Variants in PMEPA1 observed in about 807,000 individuals in gnomAD.
The protein encoded by PMEPA1 is prostate transmembrane protein, androgen induced 1.
A neutral mutation model predicts 23.0 loss-of-function variants in PMEPA1; 11 were observed. That is an observed-to-expected ratio of 0.48 (90% confidence interval 0.30 to 0.79). The LOEUF (loss-of-function observed/expected upper bound fraction) is 0.79. Among genes scored for constraint, PMEPA1 ranks in the 30% least tolerant of loss-of-function variants. The probability of loss-of-function intolerance (pLI) is 0.06; values close to 1 mark genes in which losing one functional copy is unlikely to be tolerated. For missense variants in PMEPA1, 377 were observed against 390.9 expected (o/e 0.96, Z 0.30); for synonymous variants, 204 against 166.4 (o/e 1.23, Z -1.74).
Position 57,709,703 on chromosome 20 carries a change from C to G in PMEPA1, c.-121G>C. The G allele has an allele frequency of 1.0e-6, 1 of 977,600 alleles. No homozygotes were observed. Among genetic ancestry groups the G allele is most frequent in the Non-Finnish European group, 1.2e-6 (1 of 826,772 alleles). The allele number at this position is 977,600 out of a possible 1,614,324, so 60.6% of individuals were successfully genotyped here. A position where few individuals can be genotyped will look rare whatever the true frequency, so the allele number is the denominator to read the frequency against. The stretch of plus-strand genomic sequence containing the variant: ...GGCGCGCGGCGGGGGAGGCGCGCCC[C>G]GGCTCGCCGGGCTCGGGTCGCCGCC... On this transcript the variant is annotated 5_prime_UTR_variant, in exon 1 of 4. Transcript: ENST00000341744.
At chr20:57,697,864 G>T (rs2071960905) in intron 1 of PMEPA1, among the ~76,000 whole-genome samples, 1 of 152,200 alleles carries the variant, frequency 6.6e-6, no homozygotes, top group Non-Finnish European at 1.5e-5. Flanking sequence ...AAAATAAGTG[G>T]CACCATGTGT....
intron 1 of PMEPA1, among the ~76,000 whole-genome samples, chr20:57,708,282 C>A (rs544501724): frequency 2.3e-4 from 35 of 152,320 alleles, no homozygotes; most frequent in Non-Finnish European, 3.2e-4. Flanking sequence ...CTTCACCTGG[C>A]GTGCTTCTTC....
rs1209526232 is a variant in PMEPA1 at position 57,655,551 on chromosome 20, G to C, written c.265-2465C>G. Among the ~76,000 whole-genome samples, 1 of 152,248 alleles carries C rather than the reference G, an allele frequency of 6.6e-6. No individual in the cohort carries two copies. The highest frequency in any genetic ancestry group is 1.5e-5 in the Non-Finnish European group (1 of 68,046). On this transcript the variant is annotated intron_variant, in intron 2 of 3. Transcript: ENST00000341744. The surrounding 1 kb of genome is among the most constrained non-coding windows in gnomAD (Gnocchi z 4.2). ...GGAATTAGGTTCCAAAGTGGCTTGA[G>C]AAGTCGGGGGAGGTGGGCCCAGCTT...
In PMEPA1 at chr20:57,653,054, C is replaced by T. The variant is rs943150036; in HGVS notation, c.297G>A (p.Val99=). The change falls in exon 3 of 4, where the codon GTG becomes GTA. Residue 99 remains valine (V), a synonymous_variant. Transcript: ENST00000341744. ...TCACCTCTGGGATTCCGTTGCCTGA[C>T]ACTGTGCTCTCCGAGGGCCACAGGC... ...EGCLWPSEST[V]SGNGIPEPQV... is the part of the protein sequence containing the mutation. 1.7e-5 allele frequency: 27 copies of T among 1,595,846 alleles called. No homozygotes were observed. Among genetic ancestry groups the T allele is most frequent in the Non-Finnish European group, 2.3e-5 (27 of 1,171,110 alleles).
At chr20:57,660,106 T>C (rs921850390) in intron 1 of PMEPA1, among the ~76,000 whole-genome samples, 1 of 152,142 alleles carries the variant, frequency 6.6e-6, no homozygotes, top group African/African-American at 2.4e-5. Flanking sequence ...CTCCTGTCGC[T>C]GGGCAAAGGC....
rs1335976829 is a variant in PMEPA1 at position 57,656,094 on chromosome 20, G to A, written c.265-3008C>T. Among the ~76,000 whole-genome samples the A allele has an allele frequency of 6.6e-6, 1 of 152,004 alleles. No homozygotes were observed. The highest frequency in any genetic ancestry group is 1.5e-5 in the Non-Finnish European group (1 of 68,000). On this transcript the variant is annotated intron_variant, in intron 2 of 3. Coordinates refer to ENST00000341744, the MANE Select transcript of PMEPA1 (RefSeq NM_020182.5). This position sits in a 1 kb window ranked among gnomAD's most constrained non-coding sequence, Gnocchi z 4.7. The stretch of plus-strand genomic sequence containing the variant: ...TGGAGTCCCCAGGAACATCCAAGGG[G>A]ACGGGATGGCCTTCTATCAAACTTC...
intron 1 of PMEPA1, among the ~76,000 whole-genome samples, chr20:57,698,228 T>G (rs1251797920): frequency 6.6e-6 from 1 of 152,112 alleles, no homozygotes; most frequent in African/African-American, 2.4e-5. Flanking sequence ...AATGGAGTGG[T>G]GTTTAAAGGC....
At position 57,683,745 on chromosome 20, in the gene PMEPA1, GGCTTCCAGGCT is replaced by G. The variant is rs773182716; in HGVS notation, c.110-24059_110-24049del. Among the ~76,000 whole-genome samples the G allele has an allele frequency of 1.3e-5, 2 of 151,936 alleles. No individual in the cohort carries two copies. Among genetic ancestry groups the G allele is most frequent in the Admixed American group, 6.6e-5 (1 of 15,266 alleles). On this transcript the variant is annotated intron_variant, in intron 1 of 3. Transcript: ENST00000341744. This position sits in a 1 kb window ranked among gnomAD's most constrained non-coding sequence, Gnocchi z 4.3. ...TCCCCACTCCGCGGGGAAATTTACA[GGCTTCCAGGCT>G]GCCACCAAGAGGGAAGGACTAGAGC...
intron 1 of PMEPA1, among the ~76,000 whole-genome samples, chr20:57,701,754 C>T (rs749814368): frequency 1.3e-5 from 2 of 152,156 alleles, no homozygotes; most frequent in Non-Finnish European, 2.9e-5. Flanking sequence ...ACGCTCACCC[C>T]CAGAATGAAG....
chr20:57,689,310 C>A (rs913548866), intron 1 of PMEPA1, among the ~76,000 whole-genome samples: 1 of 152,166 alleles, frequency 6.6e-6, no homozygotes, highest in African/African-American at 2.4e-5. Flanking sequence ...CCTGACCCTT[C>A]GGAACAAAGG....
At chr20:57,690,564 T>A in intron 1 of PMEPA1, 1 of 1,271,636 alleles carries the variant, frequency 7.9e-7, no homozygotes. Context: ...GGAGGCGGGG[T>A]CTCCATTGCT....
At chr20:57,690,098 G>A (rs2071856799) in intron 1 of PMEPA1, among the ~76,000 whole-genome samples, 1 of 152,266 alleles carries the variant, frequency 6.6e-6, no homozygotes. Context: ...AGGCTCTTGG[G>A]TGAAGGCAGA....
At position 57,709,667 on chromosome 20, in the gene PMEPA1, C is replaced by T. The variant is rs2072141555; in HGVS notation, c.-85G>A. On this transcript the variant is annotated 5_prime_UTR_variant, in exon 1 of 4. Coordinates refer to ENST00000341744, the MANE Select transcript of PMEPA1 (RefSeq NM_020182.5). ...CGGCCGGCGCCCGGAGCTGGGGCCC[C>T]GCATGCAGGAGGCGCGCGGCGGGGG... The T allele has an allele frequency of 1.0e-6, 1 of 975,668 alleles. No homozygotes were observed. Among genetic ancestry groups the T allele is most frequent in the African/African-American group, 1.8e-5 (1 of 55,774 alleles). The allele number at this position is 975,668 out of a possible 1,614,324, so 60.4% of individuals were successfully genotyped here.
At chr20:57,710,104 C>G, upstream of PMEPA1, 1 of 889,094 alleles carries the variant, frequency 1.1e-6, no homozygotes, top group African/African-American at 1.8e-5. Context: ...GGTTCCCCCG[C>G]ACCCCCTCCC....
intron 1 of PMEPA1, among the ~76,000 whole-genome samples, chr20:57,697,740 G>A (rs563003908): frequency 7.2e-5 from 11 of 152,338 alleles, no homozygotes; most frequent in African/African-American, 2.4e-4. Context: ...TATACGGACA[G>A]TTGGAATTTG....
chr20:57,700,161 C>G, intron 1 of PMEPA1: 1 of 471,582 alleles, frequency 2.1e-6, no homozygotes, highest in South Asian at 1.5e-5. Context: ...GCTGATGCGA[C>G]TTGCATACTG....
At position 57,670,191 on chromosome 20, in the gene PMEPA1, AG is replaced by A. The variant is rs1369326126; in HGVS notation, c.110-10495del. On this transcript the variant is annotated intron_variant, in intron 1 of 3. Transcript: ENST00000341744. ...CTGGGCCTTCCCTCTCCTGGCCTGG[AG>A]GTAGGGGTGGGGTGGGGGGGGTAGT... Among the ~76,000 whole-genome samples, 4 of 33,788 alleles carry A rather than the reference AG, an allele frequency of 1.2e-4. No individual in the cohort carries two copies. The East Asian group carries it at 2.9e-3, about 25-fold the overall frequency. 22.2% of individuals were successfully genotyped at this position (33,788 alleles called of 152,430 possible). A position where few individuals can be genotyped will look rare whatever the true frequency, so the allele number is the denominator to read the frequency against.
In PMEPA1 at chr20:57,656,307, T is replaced by C. The variant is rs946556609; in HGVS notation, c.265-3221A>G. ...CCCGCTGCTGGCAGATTGTCGCACA[T>C]TGGCCTGGCCACAGTCTTGTCCCTG... On this transcript the variant is annotated intron_variant, in intron 2 of 3. Coordinates refer to ENST00000341744, the MANE Select transcript of PMEPA1 (RefSeq NM_020182.5). This position sits in a 1 kb window ranked among gnomAD's most constrained non-coding sequence, Gnocchi z 4.7. Among the ~76,000 whole-genome samples the C allele has an allele frequency of 2.6e-5, 4 of 151,274 alleles. No individual in the cohort carries two copies. Among genetic ancestry groups the C allele is most frequent in the Non-Finnish European group, 4.4e-5 (3 of 67,714 alleles).
At chr20:57,701,100 G>A (rs1568686440) in intron 1 of PMEPA1, among the ~76,000 whole-genome samples, 1 of 151,570 alleles carries the variant, frequency 6.6e-6, no homozygotes, top group African/African-American at 2.4e-5. Flanking sequence ...ACTATAGTTC[G>A]AATCTTTCTG....
Sources: gnomAD v4.1 joint callset for allele counts (sites outside exome capture counted in the v4.1 genomes callset) on GRCh38, gnomAD v4.1.1 for gene constraint, Gnocchi (gnomAD v3.1) non-coding constraint, MANE v1.5 for transcripts, NCBI Gene and HGNC (gene_info 2026-07-23, HGNC 2026-07-21) for gene names.